The following NAA20 variants were observed in gnomAD, a reference collection of about 807,000 sequenced individuals.
NAA20 encodes N-alpha-acetyltransferase 20.
Under a neutral mutation model 23.8 loss-of-function variants are expected in NAA20, and 24 were observed. The observed-to-expected ratio is 1.01, with a 90% CI of 0.73 to 1.42. NAA20 has a LOEUF of 1.42. NAA20 is among the 40% of genes most tolerant of loss of function. The pLI, the probability that NAA20 is intolerant of heterozygous loss-of-function variation, is 0.00. For synonymous variants in NAA20, 83 were observed against 77.7 expected (o/e 1.07, Z -0.36); for missense variants, 166 against 223.1 (o/e 0.74, Z 1.63).
intron 3 of NAA20, 103 bp from the exon 4 acceptor site, chr20:20,026,681 T>A (rs200177): frequency 3.4e-6 from 5 of 1,470,690 alleles, no homozygotes; most frequent in Non-Finnish European, 4.6e-6. Flanking sequence ...TAAAAACTTC[T>A]TTATTAGTTT....
Position 20,017,412 on chromosome 20 carries a change from GC to G in NAA20, c.18del (p.Phe7LeufsTer47). MTTLR[A>X]FTCDDLFRFN... is the part of the protein sequence containing the mutation. ...CGGCGGCGCGATGACCACGCTACGG[GC>G]CTTTACCTGCGACGACCTGTTCCGC... On this transcript the variant is annotated frameshift_variant, in exon 1 of 6. Coordinates refer to ENST00000334982, the MANE Select transcript of NAA20 (RefSeq NM_016100.5). LOFTEE classifies it high-confidence loss of function. 1.2e-6 allele frequency: 2 copies of G among 1,611,964 alleles called. No homozygotes were observed. Among genetic ancestry groups the G allele is most frequent in the Non-Finnish European group, 1.7e-6 (2 of 1,179,478 alleles).
At chr20:20,019,644 G>A (rs1016739802) in intron 1 of NAA20, among the ~76,000 whole-genome samples, 1 of 152,138 alleles carries the variant, frequency 6.6e-6, no homozygotes, top group East Asian at 1.9e-4. Flanking sequence ...GAGTGCAGTG[G>A]CACAATCCTA....
At chr20:20,017,483 G>C (rs762605992) in intron 1 of NAA20, 34 bp downstream of exon 1, 1 of 1,580,716 alleles carries the variant, frequency 6.3e-7, no homozygotes, top group Admixed American at 1.8e-5. Flanking sequence ...AGCCGCTCTT[G>C]GCCGGGCCTC....
At chr20:20,019,830 C>T (rs1177513798) in intron 1 of NAA20, among the ~76,000 whole-genome samples, 1 of 152,160 alleles carries the variant, frequency 6.6e-6, no homozygotes, top group African/African-American at 2.4e-5. Context: ...AAGTGATTCT[C>T]CCACCTAATC....
chr20:20,023,661 A>C (rs1035623538), intron 2 of NAA20, among the ~76,000 whole-genome samples: 2 of 152,058 alleles, frequency 1.3e-5, no homozygotes, highest in Admixed American at 6.5e-5. Flanking sequence ...GGGTTCTGCT[A>C]ACCGGTAATT....
At chr20:20,018,047 T>C (rs758662234) in intron 1 of NAA20, 2 of 1,614,112 alleles carry the variant, frequency 1.2e-6, no homozygotes, top group East Asian at 2.2e-5. Flanking sequence ...TCATGGTTAG[T>C]GTTTGCAAGT....
rs2043364822 is a variant in NAA20 at position 20,033,602 on chromosome 20, A to G, written c.*415A>G. 6.4e-6 allele frequency: 1 copy of G among 157,082 alleles called. No homozygotes were observed. The highest frequency in any genetic ancestry group is 6.2e-5 in the Admixed American group (1 of 16,054). 9.7% of individuals were successfully genotyped at this position (157,082 alleles called of 1,614,324 possible). A position where few individuals can be genotyped will look rare whatever the true frequency, so the allele number is the denominator to read the frequency against. ...CATATATGAAATGTATAAATCTAAG[A>G]TGTATAATACATTATTGACTCTATG... On this transcript the variant is annotated 3_prime_UTR_variant, in exon 6 of 6. Transcript: ENST00000334982.
chr20:20,021,132 G>A, intron 1 of NAA20, among the ~76,000 whole-genome samples: 1 of 152,008 alleles, frequency 6.6e-6, no homozygotes, highest in East Asian at 1.9e-4. Flanking sequence ...CTGGAGGTGA[G>A]GGTGCGGGTG....
chr20:20,017,332 G>T, upstream of NAA20: 1 of 1,600,422 alleles, frequency 6.2e-7, no homozygotes, highest in African/African-American at 1.3e-5. Context: ...GCCACGCTCC[G>T]GGAGACTTCC....
At chr20:20,018,182 C>CCCA in intron 1 of NAA20, 7 of 1,214,750 alleles carry the variant, frequency 5.8e-6, no homozygotes, top group Non-Finnish European at 7.1e-6. Flanking sequence ...CGAGTTAAGG[C>CCCA]CAGACCTCTG....
intron 5 of NAA20, 27 bp downstream of exon 5, chr20:20,032,680 C>A: frequency 6.5e-7 from 1 of 1,547,596 alleles, no homozygotes; most frequent in Non-Finnish European, 8.7e-7. Flanking sequence ...GGCAGTATCC[C>A]CAAGAAGTCG....
intron 3 of NAA20, among the ~76,000 whole-genome samples, chr20:20,026,511 G>T (rs1280363486): frequency 1.7e-4 from 24 of 142,652 alleles, no homozygotes; most frequent in East Asian, 4.2e-4. Flanking sequence ...ACATACTCTG[G>T]TTTTTTTTTT....
At chr20:20,032,025 A>G (rs2043347029) in intron 4 of NAA20, among the ~76,000 whole-genome samples, 3 of 148,800 alleles carry the variant, frequency 2.0e-5, no homozygotes, top group Non-Finnish European at 2.9e-5. Flanking sequence ...GACACTCAAC[A>G]GAAGTATTCA....
intron 2 of NAA20, among the ~76,000 whole-genome samples, chr20:20,024,164 A>G (rs1448202321): frequency 6.6e-6 from 1 of 152,264 alleles, no homozygotes; most frequent in Non-Finnish European, 1.5e-5. Context: ...CCCCTGAGTT[A>G]TACCATTACA....
chr20:20,017,937 G>T (rs895491775), intron 1 of NAA20: 5 of 1,612,080 alleles, frequency 3.1e-6, no homozygotes, highest in African/African-American at 1.3e-5. Flanking sequence ...GCAGCTGTTG[G>T]GATGTGTACA....
intron 4 of NAA20, among the ~76,000 whole-genome samples, chr20:20,032,076 A>G (rs1287871683): frequency 6.7e-6 from 1 of 148,848 alleles, no homozygotes; most frequent in Non-Finnish European, 1.5e-5. Context: ...AAACGTATCA[A>G]CAGGACCGTG....
Position 20,017,574 on chromosome 20 carries a change from AC to A in NAA20, c.53+131del, listed in dbSNP as rs956702197. On this transcript the variant is annotated intron_variant, in intron 1 of 5. Coordinates refer to ENST00000334982, the MANE Select transcript of NAA20 (RefSeq NM_016100.5). ...GCCCGGACGGGGACCCGCGAGAACC[AC>A]CCCCCGCCGGCCAACGTGGGCGCCT... The A allele has an allele frequency of 5.9e-6, 8 of 1,354,562 alleles. No individual in the cohort carries two copies. The African/African-American group carries it at 7.8e-5, about 13-fold the overall frequency. The allele number at this position is 1,354,562 out of a possible 1,614,324, so 83.9% of individuals were successfully genotyped here. A position where few individuals can be genotyped will look rare whatever the true frequency, so the allele number is the denominator to read the frequency against.
chr20:20,017,401 C>A lies in NAA20; in HGVS notation c.5C>A (p.Thr2Asn). ...TTCGGAAGCGGCGGCGGCGCGATGA[C>A]CACGCTACGGGCCTTTACCTGCGAC... M[T>N]TLRAFTCDDL... is the part of the protein sequence containing the mutation. The change falls in exon 1 of 6, where the codon ACC becomes AAC. Residue 2 changes from threonine to asparagine, a missense_variant. Transcript: ENST00000334982. 1 of 1,611,716 alleles carries A rather than the reference C, an allele frequency of 6.2e-7. No individual in the cohort carries two copies. The highest frequency in any genetic ancestry group is 1.1e-5 in the South Asian group (1 of 90,964).
chr20:20,021,232 G>A (rs2043266181), intron 1 of NAA20, among the ~76,000 whole-genome samples: 1 of 152,190 alleles, frequency 6.6e-6, no homozygotes, highest in African/African-American at 2.4e-5. Context: ...TTCTCAAGGA[G>A]TGGGCCAGGG....
Sources: allele counts gnomAD v4.1 joint callset (sites outside exome capture counted in the v4.1 genomes callset), GRCh38; gene constraint gnomAD v4.1.1; transcripts MANE v1.5; gene names NCBI Gene and HGNC (gene_info 2026-07-23, HGNC 2026-07-21).